The following PLXDC2 variants were observed in gnomAD, a reference collection of about 807,000 sequenced individuals.
PLXDC2 encodes plexin domain-containing protein 2.
PLXDC2 carries 40 observed loss-of-function variants against 68.9 expected under a neutral mutation model. The ratio of observed to expected loss-of-function variants is 0.58; its 90% CI spans 0.45 to 0.76. The LOEUF (loss-of-function observed/expected upper bound fraction) is 0.76, where lower values mean the gene tolerates loss of function less well. Ranked by LOEUF, PLXDC2 falls within the 30% of genes least tolerant of loss-of-function variation. The pLI, the probability that PLXDC2 is intolerant of heterozygous loss-of-function variation, is 0.00. For missense variants in PLXDC2, 644 were observed against 661.9 expected, an observed-to-expected ratio of 0.97 and a Z score of 0.30; for synonymous variants, 243 against 234.2, an observed-to-expected ratio of 1.04 and a Z score of -0.34.
At chr10:19,836,030 AGCAGGATGTGGTGG>A (rs1298363229) in intron 1 of PLXDC2, among the ~76,000 whole-genome samples, 4 of 151,940 alleles carry the variant, frequency 2.6e-5, no homozygotes, top group Non-Finnish European at 5.9e-5. Flanking sequence ...TAAAAAAATT[AGCAGGATGTGGTGG>A]TGCACATCTG....
chr10:19,904,044 G>A (rs1195757062), intron 1 of PLXDC2, among the ~76,000 whole-genome samples: 2 of 152,084 alleles, frequency 1.3e-5, no homozygotes, highest in Non-Finnish European at 2.9e-5. Context: ...CGATCTGGGA[G>A]AGTACCTGAT....
chr10:20,050,605 G>T (rs1179732053), intron 3 of PLXDC2, among the ~76,000 whole-genome samples: 1 of 152,014 alleles, frequency 6.6e-6, no homozygotes, highest in Non-Finnish European at 1.5e-5. Flanking sequence ...ATGAAAAAAA[G>T]CTCAATATCA....
intron 4 of PLXDC2, among the ~76,000 whole-genome samples, chr10:20,124,739 G>A (rs540972567): frequency 3.9e-5 from 6 of 151,970 alleles, no homozygotes; most frequent in African/African-American, 1.4e-4. Context: ...AAGGTACTCA[G>A]TGGGGGAGCT....
chr10:19,913,034 A>C (rs559879372), intron 1 of PLXDC2, among the ~76,000 whole-genome samples: 100 of 152,304 alleles, frequency 6.6e-4, no homozygotes, highest in African/African-American at 2.3e-3. Flanking sequence ...AGTGTCCTAG[A>C]TCTCACAAGT....
intron 1 of PLXDC2, among the ~76,000 whole-genome samples, chr10:19,933,827 A>G (rs1833680111): frequency 7.8e-6 from 1 of 128,488 alleles, no homozygotes; most frequent in Non-Finnish European, 1.6e-5. Context: ...GGAAGGAGGG[A>G]AGGAAGGAAG....
At chr10:20,271,062 C>G (rs1297314367) in intron 13 of PLXDC2, among the ~76,000 whole-genome samples, 1 of 150,958 alleles carries the variant, frequency 6.6e-6, no homozygotes, top group Non-Finnish European at 1.5e-5. Context: ...CTTGTCAACA[C>G]GAAACCTTAG....
intron 1 of PLXDC2, among the ~76,000 whole-genome samples, chr10:19,830,803 A>G (rs1836675117): frequency 6.6e-6 from 1 of 152,126 alleles, no homozygotes; most frequent in South Asian, 2.1e-4. Context: ...TCCATAGGCA[A>G]TCTTGGACTG....
chr10:20,084,864 G>T (rs1426269120), intron 4 of PLXDC2, among the ~76,000 whole-genome samples: 1 of 136,856 alleles, frequency 7.3e-6, no homozygotes, highest in Admixed American at 7.1e-5. Flanking sequence ...AGGTGCTCAC[G>T]AAGGCCGTGG....
Position 19,921,454 on chromosome 10 carries a change from T to G in PLXDC2, c.113-80321T>G, listed in dbSNP as rs138868201. Among the ~76,000 whole-genome samples the G allele has an allele frequency of 4.1e-3, 626 of 152,318 alleles. 2 individuals are homozygous for G. The highest frequency in any genetic ancestry group is 9.7e-3 in the Admixed American group (149 of 15,302). The stretch of plus-strand genomic sequence containing the variant: ...TCCCTTCTTCTGGAAAGCTATGACA[T>G]TCACTTAGGGATTTGGCAAGTATTC... On this transcript the variant is annotated intron_variant, in intron 1 of 13. Transcript: ENST00000377252.
At chr10:20,230,231 T>C (rs1180661955) in intron 12 of PLXDC2, among the ~76,000 whole-genome samples, 1 of 152,104 alleles carries the variant, frequency 6.6e-6, no homozygotes, top group African/African-American at 2.4e-5. Flanking sequence ...GACAAAGATA[T>C]AAAATACTTC....
chr10:20,063,133 A>G (rs1373857897), intron 3 of PLXDC2, among the ~76,000 whole-genome samples: 2 of 152,180 alleles, frequency 1.3e-5, no homozygotes, highest in African/African-American at 4.8e-5. Context: ...ATATTAAAAT[A>G]TGCCTGTAAA....
At chr10:19,893,759 C>A (rs190986700) in intron 1 of PLXDC2, among the ~76,000 whole-genome samples, 36 of 152,276 alleles carry the variant, frequency 2.4e-4, no homozygotes, top group Middle Eastern at 3.4e-3. Flanking sequence ...TCCTTTACAG[C>A]CTTTTTACTT....
In PLXDC2 at chr10:20,164,431, G is replaced by T. The variant is rs758259616; in HGVS notation, c.784-37G>T. The T allele has an allele frequency of 2.0e-6, 3 of 1,506,792 alleles. No homozygotes were observed. In the South Asian group the frequency reaches 3.4e-5, roughly 17 times the overall value. 93.3% of individuals were successfully genotyped at this position (1,506,792 alleles called of 1,614,324 possible). ...ACCTTTCCTCCCTGTATGAAATTCA[G>T]ATCTAACATATAGTTACCTGCTTTG... On this transcript the variant is annotated intron_variant, in intron 6 of 13. Coordinates refer to ENST00000377252, the MANE Select transcript of PLXDC2 (RefSeq NM_032812.9).
chr10:20,257,245 G>A (rs1052861260), intron 13 of PLXDC2, among the ~76,000 whole-genome samples: 1 of 152,188 alleles, frequency 6.6e-6, no homozygotes, highest in African/African-American at 2.4e-5. Flanking sequence ...GGATTTCTTA[G>A]AGGATATTTT....
intron 3 of PLXDC2, among the ~76,000 whole-genome samples, chr10:20,053,867 G>A (rs112683155): frequency 1.6e-3 from 237 of 152,118 alleles, no homozygotes; most frequent in African/African-American, 4.7e-3. Context: ...TTACTGCCTC[G>A]CAGTGCGTTG....
intron 9 of PLXDC2, among the ~76,000 whole-genome samples, chr10:20,183,077 T>G (rs1834629482): frequency 6.6e-6 from 1 of 151,972 alleles, no homozygotes; most frequent in South Asian, 2.1e-4. Flanking sequence ...TTGAGATGGG[T>G]AAGACAGCAC....
chr10:19,963,812 T>G (rs1457812835), intron 1 of PLXDC2, among the ~76,000 whole-genome samples: 1 of 151,924 alleles, frequency 6.6e-6, no homozygotes, highest in African/African-American at 2.4e-5. Flanking sequence ...ATTGTGCACA[T>G]GTACCCTAGA....
intron 9 of PLXDC2, among the ~76,000 whole-genome samples, chr10:20,181,735 C>A (rs1277460332): frequency 6.6e-6 from 1 of 152,010 alleles, no homozygotes; most frequent in East Asian, 1.9e-4. Flanking sequence ...GCTCAGAAAG[C>A]TACCCAAGTG....
At chr10:19,837,424 GTGTGTGTGTGTGTGTGTGTGTA>G (rs1177310135) in intron 1 of PLXDC2, among the ~76,000 whole-genome samples, 1 of 149,150 alleles carries the variant, frequency 6.7e-6, no homozygotes, top group African/African-American at 2.5e-5. Flanking sequence ...GTGTGTGTGT[GTGTGTGTGTGTGTGTGTGTGTA>G]TGTGTGTGTT....
Sources: allele counts gnomAD v4.1 joint callset (sites outside exome capture counted in the v4.1 genomes callset), GRCh38; gene constraint gnomAD v4.1.1; transcripts MANE v1.5; gene names NCBI Gene and HGNC (gene_info 2026-07-23, HGNC 2026-07-21).